The following RBFOX1 variants were observed in gnomAD, a reference collection of about 807,000 sequenced individuals.
RBFOX1 encodes the protein RNA binding fox-1 homolog 1, also known as RNA binding protein fox-1 homolog 1.
RBFOX1 carries 8 observed loss-of-function variants against 57.7 expected under a neutral mutation model. The observed-to-expected ratio is 0.14, with a 90% CI of 0.08 to 0.25. RBFOX1 has a LOEUF of 0.25. Ranked by LOEUF, RBFOX1 falls within the 10% of genes least tolerant of loss-of-function variation. The pLI, the probability that RBFOX1 is intolerant of heterozygous loss-of-function variation, is 1.00. For missense variants in RBFOX1, 611 were observed against 548.5 expected (o/e 1.11, Z -1.14); for synonymous variants, 326 against 222.4 (o/e 1.47, Z -4.15).
At chr16:7,513,502 A>C (rs552373190) in intron 4 of RBFOX1, among the ~76,000 whole-genome samples, 1 of 152,308 alleles carries the variant, frequency 6.6e-6, no homozygotes, top group South Asian at 2.1e-4. Context: ...GGACCTTGGC[A>C]CTATTAACAT....
chr16:6,686,988 A>G (rs2059528470), intron 3 of RBFOX1, among the ~76,000 whole-genome samples: 1 of 152,206 alleles, frequency 6.6e-6, no homozygotes, highest in Non-Finnish European at 1.5e-5. Context: ...TATATAACAA[A>G]CCAATAATAT....
intron 3 of RBFOX1, among the ~76,000 whole-genome samples, chr16:6,742,251 T>A (rs1489697342): frequency 6.6e-6 from 1 of 152,304 alleles, no homozygotes; most frequent in East Asian, 1.9e-4. Flanking sequence ...CATTACTAGC[T>A]ATTAGGGAAA....
intron 4 of RBFOX1, among the ~76,000 whole-genome samples, chr16:7,394,754 C>T (rs1038030314): frequency 6.6e-6 from 1 of 152,142 alleles, no homozygotes; most frequent in Non-Finnish European, 1.5e-5. Flanking sequence ...CTTTGTAATT[C>T]TCATCCAGGC....
intron 5 of RBFOX1, among the ~76,000 whole-genome samples, chr16:7,540,970 C>G (rs978443059): frequency 5.3e-5 from 8 of 152,118 alleles, no homozygotes; most frequent in Admixed American, 4.6e-4. Flanking sequence ...TAATTCAGTG[C>G]ATTGAAGGTT....
intron 1 of RBFOX1, among the ~76,000 whole-genome samples, chr16:6,159,540 C>T (rs1017984322): frequency 1.3e-5 from 2 of 152,174 alleles, no homozygotes; most frequent in Non-Finnish European, 2.9e-5. Context: ...GCACACAGCA[C>T]AGGGTCTGCC....
intron 4 of RBFOX1, among the ~76,000 whole-genome samples, chr16:7,112,156 C>T (rs116265523): frequency 0.016 from 2,454 of 152,194 alleles, 68 homozygotes; most frequent in African/African-American, 0.057. Flanking sequence ...TGAGAAAATT[C>T]AGAATCATAC....
At chr16:6,412,422 G>A (rs879676228) in intron 2 of RBFOX1, among the ~76,000 whole-genome samples, 12 of 152,120 alleles carry the variant, frequency 7.9e-5, no homozygotes, top group Non-Finnish European at 1.2e-4. Context: ...GGTTGATAGA[G>A]GATGCCTGTT....
At chr16:6,610,837 C>T (rs918110543) in intron 2 of RBFOX1, among the ~76,000 whole-genome samples, 1 of 152,080 alleles carries the variant, frequency 6.6e-6, no homozygotes, top group Non-Finnish European at 1.5e-5. Flanking sequence ...GCATACATAC[C>T]ACTTATGAAT....
At chr16:6,091,529 C>CA (rs111966281) in intron 1 of RBFOX1, among the ~76,000 whole-genome samples, 89,355 of 151,876 alleles carry the variant, frequency 0.59, 27,890 homozygotes, top group African/African-American at 0.8. Context: ...GGTAGGTATT[C>CA]AAAAAAAACA....
intron 1 of RBFOX1, among the ~76,000 whole-genome samples, chr16:5,298,011 G>C (rs1423641855): frequency 6.7e-6 from 1 of 148,976 alleles, no homozygotes; most frequent in Non-Finnish European, 1.5e-5. Context: ...TGAACACAAT[G>C]TTATTTTCCC....
intron 2 of RBFOX1, among the ~76,000 whole-genome samples, chr16:6,526,857 A>AAAAAAAAAAAAAAAAAAAAC (rs1567560941): frequency 3.1e-5 from 4 of 130,422 alleles, no homozygotes; most frequent in African/African-American, 1.5e-4. Flanking sequence ...AAAAAAAAAA[A>AAAAAAAAAAAAAAAAAAAAC]AACAACCAGA....
At chr16:5,897,752 T>C (rs904125263) in intron 4 of RBFOX1, among the ~76,000 whole-genome samples, 3 of 152,160 alleles carry the variant, frequency 2.0e-5, no homozygotes, top group East Asian at 1.9e-4. Flanking sequence ...TTTTGTTTTT[T>C]AGTCTGATCA....
chr16:7,332,393 C>T (rs1174736875), intron 4 of RBFOX1, among the ~76,000 whole-genome samples: 1 of 152,132 alleles, frequency 6.6e-6, no homozygotes, highest in Non-Finnish European at 1.5e-5. Flanking sequence ...TTACAAATTG[C>T]CACTTTAAAT....
chr16:6,914,586 G>C (rs927085864), intron 3 of RBFOX1, among the ~76,000 whole-genome samples: 1 of 151,998 alleles, frequency 6.6e-6, no homozygotes. Flanking sequence ...CCAAAACAGG[G>C]ATCAAGGCCA....
chr16:6,731,148 T>G (rs1353506199), intron 3 of RBFOX1, among the ~76,000 whole-genome samples: 1 of 152,166 alleles, frequency 6.6e-6, no homozygotes, highest in Non-Finnish European at 1.5e-5. Flanking sequence ...ACAGAGGGAC[T>G]GCTGAGGACA....
intron 3 of RBFOX1, among the ~76,000 whole-genome samples, chr16:5,657,766 T>C (rs1168093676): frequency 7.7e-6 from 1 of 129,362 alleles, no homozygotes; most frequent in Non-Finnish European, 1.6e-5. Context: ...AGAATCTCAC[T>C]CTGTCACCCA....
chr16:5,412,980 G>A (rs977684182), intron 1 of RBFOX1, among the ~76,000 whole-genome samples: 1 of 152,230 alleles, frequency 6.6e-6, no homozygotes, highest in African/African-American at 2.4e-5. Flanking sequence ...ACGCAGGTGG[G>A]GTGGAGCTGG....
In RBFOX1 at chr16:7,711,654, G is replaced by A. The variant is rs1444946905; in HGVS notation, c.*909G>A. On this transcript the variant is annotated 3_prime_UTR_variant, in exon 16 of 16. Transcript: ENST00000550418. ...ATAAAAACTTAAATTCTTTGTACCA[G>A]TTAAAAAAAATGTATAAAATTTACA... The A allele has an allele frequency of 6.6e-6, 1 of 152,102 alleles. No individual in the cohort carries two copies. The highest frequency in any genetic ancestry group is 1.5e-5 in the Non-Finnish European group (1 of 67,948). The allele number at this position is 152,102 out of a possible 1,614,324, so 9.4% of individuals were successfully genotyped here. A position where few individuals can be genotyped will look rare whatever the true frequency, so the allele number is the denominator to read the frequency against.
chr16:5,707,777 G>A (rs943959125), intron 3 of RBFOX1, among the ~76,000 whole-genome samples: 3 of 152,126 alleles, frequency 2.0e-5, no homozygotes, highest in African/African-American at 7.2e-5. Context: ...CCTGTGTAAA[G>A]GACATGGTGG....
Sources: allele counts gnomAD v4.1 joint callset (sites outside exome capture counted in the v4.1 genomes callset), GRCh38; gene constraint gnomAD v4.1.1; transcripts MANE v1.5; gene names NCBI Gene and HGNC (gene_info 2026-07-23, HGNC 2026-07-21).